The following BRD9 variants were observed in gnomAD, a reference collection of about 807,000 sequenced individuals.
BRD9 encodes the protein bromodomain-containing protein 9.
BRD9 carries 47 observed loss-of-function variants against 68.7 expected under a neutral mutation model. The ratio of observed to expected loss-of-function variants is 0.68; its 90% CI spans 0.54 to 0.87. BRD9 has a LOEUF of 0.87. Among genes scored for constraint, BRD9 ranks in the 40% least tolerant of loss-of-function variants. BRD9 has a pLI of 0.00. For synonymous variants in BRD9, 313 were observed against 293.9 expected, an observed-to-expected ratio of 1.06 and a Z score of -0.67; for missense variants, 670 against 748.4, an observed-to-expected ratio of 0.90 and a Z score of 1.22.
intron 11 of BRD9, 44 bp from the exon 12 acceptor site, chr5:876,256 C>T (rs765869851): frequency 1.2e-5 from 18 of 1,504,540 alleles, no homozygotes; most frequent in South Asian, 5.7e-5. Flanking sequence ...GAGCCCTTGT[C>T]GCCTGGCCCT....
chr5:878,732 G>C (rs1413630066), intron 10 of BRD9: 1 of 542,958 alleles, frequency 1.8e-6, no homozygotes, highest in Non-Finnish European at 3.3e-6. Context: ...TCTCTGCAAA[G>C]GGGTGAGCTC....
intron 14 of BRD9, chr5:869,091 A>G (rs1749769923): frequency 3.4e-6 from 1 of 297,916 alleles, no homozygotes; most frequent in Admixed American, 5.1e-5. Flanking sequence ...TGAATTTCCT[A>G]GAGTGACTCA....
At chr5:881,303 C>T in intron 8 of BRD9, 121 bp from the exon 9 acceptor site, 1 of 902,516 alleles carries the variant, frequency 1.1e-6, no homozygotes, top group Non-Finnish European at 1.7e-6. Context: ...GAACAAACGC[C>T]AGAGGGCCCC....
intron 11 of BRD9, among the ~76,000 whole-genome samples, chr5:876,985 T>C (rs1465290231): frequency 6.6e-6 from 1 of 152,240 alleles, no homozygotes; most frequent in East Asian, 1.9e-4. Flanking sequence ...TGGGACCACG[T>C]AGCCTCATGC....
intron 14 of BRD9, chr5:866,312 A>G (rs1384277631): frequency 2.0e-5 from 3 of 152,328 alleles, no homozygotes; most frequent in African/African-American, 7.2e-5. Context: ...TCCACCTGGT[A>G]TCCAGTAAAT....
intron 14 of BRD9, among the ~76,000 whole-genome samples, chr5:866,705 TGA>T (rs749722531): frequency 1.3e-4 from 20 of 152,176 alleles, no homozygotes; most frequent in Non-Finnish European, 2.1e-4. Context: ...ACTTTGAACT[TGA>T]GAGAGATGAT....
intron 14 of BRD9, chr5:865,827 T>G: frequency 2.1e-6 from 1 of 478,706 alleles, no homozygotes; most frequent in Non-Finnish European, 3.7e-6. Flanking sequence ...AGACAAGACC[T>G]AGCACCGCAC....
At chr5:881,370 C>T (rs1255499356) in intron 8 of BRD9, 188 bp from the exon 9 acceptor site, 1 of 616,722 alleles carries the variant, frequency 1.6e-6, no homozygotes, top group South Asian at 1.9e-5. Flanking sequence ...CGCACAGGTG[C>T]CAAGGAGAAC....
chr5:890,479 G>T (rs1753197967), intron 3 of BRD9, among the ~76,000 whole-genome samples: 1 of 152,172 alleles, frequency 6.6e-6, no homozygotes, highest in South Asian at 2.1e-4. Context: ...TTGTGCACAG[G>T]AAGGCTGGGG....
chr5:889,302 A>G (rs1346335760), intron 4 of BRD9, 137 bp from the exon 5 acceptor site: 1 of 1,012,758 alleles, frequency 9.9e-7, no homozygotes, highest in Non-Finnish European at 1.4e-6. Context: ...CTTTTAATTT[A>G]TTGTGATAGG....
In BRD9 at chr5:886,574, T is replaced by C. The variant is rs140538761; in HGVS notation, c.833+18A>G. The C allele has an allele frequency of 2.0e-4, 328 of 1,605,410 alleles. No homozygotes were observed. The East Asian group carries it at 7.2e-3, about 35-fold the overall frequency. ...TGCTCAACTCCAAAAGCAAATGTGG[T>C]TTCCACAGAACCTTTACCTGATAAC... On this transcript the variant is annotated intron_variant, in intron 7 of 15. Coordinates refer to ENST00000467963, the MANE Select transcript of BRD9 (RefSeq NM_023924.5).
intron 11 of BRD9, among the ~76,000 whole-genome samples, chr5:877,995 A>G (rs1476615086): frequency 6.6e-6 from 1 of 152,192 alleles, no homozygotes; most frequent in East Asian, 1.9e-4. Context: ...CCACACCTTC[A>G]TGGCAAATGC....
At position 871,535 on chromosome 5, in the gene BRD9, A is replaced by C; in HGVS notation, c.1413T>G (p.Asp471Glu). The change falls in exon 13 of 16, where the codon GAT (aspartate) becomes GAG (glutamate). Residue 471 changes from aspartate (D) to glutamate (E), a missense_variant. This residue lies in a region of BRD9 where 280 missense variants were observed against 281.5 expected (regional missense o/e 0.99). Coordinates refer to ENST00000467963, the MANE Select transcript of BRD9 (RefSeq NM_023924.5). ...QRRNVPMKPP[D>E]EAKVGDTLGD... is the part of the protein sequence containing the mutation. ...ATGTTCAAAAACTTACCTTGGCTTC[A>C]TCTGGAGGCTTCATGGGAACATTTC... 6.2e-7 allele frequency: 1 copy of C among 1,614,200 alleles called. No homozygotes were observed. The highest frequency in any genetic ancestry group is 1.1e-5 in the South Asian group (1 of 91,088).
chr5:886,894 G>A, intron 6 of BRD9, 187 bp from the exon 7 acceptor site: 1 of 1,041,908 alleles, frequency 9.6e-7, no homozygotes, highest in Non-Finnish European at 1.3e-6. Flanking sequence ...CCACGGCGGA[G>A]CAGCGGGAGG....
At chr5:880,562 G>A (rs1228947999) in intron 9 of BRD9, among the ~76,000 whole-genome samples, 3 of 152,080 alleles carry the variant, frequency 2.0e-5, no homozygotes, top group East Asian at 1.9e-4. Flanking sequence ...CGTTCCTCAC[G>A]CGAGCCCGCG....
chr5:892,020 T>G (rs1753500744), intron 1 of BRD9, 166 bp from the exon 2 acceptor site: 1 of 1,144,630 alleles, frequency 8.7e-7, no homozygotes, highest in Non-Finnish European at 1.2e-6. Context: ...GGCATGTCAC[T>G]GCCTCCTTGT....
intron 12 of BRD9, among the ~76,000 whole-genome samples, chr5:875,803 T>C (rs1029148273): frequency 1.3e-5 from 2 of 152,222 alleles, no homozygotes; most frequent in African/African-American, 4.8e-5. Context: ...TCACTGTCAG[T>C]AAATCTGAAC....
chr5:881,050 G>A (rs561380859), intron 9 of BRD9, 57 bp downstream of exon 9: 34 of 1,541,186 alleles, frequency 2.2e-5, no homozygotes, highest in Middle Eastern at 1.7e-4. Context: ...GAATATCAAC[G>A]GAGGCCCAAA....
Position 889,646 on chromosome 5 carries a change from G to C in BRD9, c.402C>G (p.Ala134=). Reference sequence around the variant, plus strand: ...GCTGAATAGGTGTGCTCTCATTTTCGGCTGACAATTTAAGGAAAAAAAAAT... The same window carrying C: ...GCTGAATAGGTGTGCTCTCATTTTCCGCTGACAATTTAAGGAAAAAAAAAT... The part of the protein sequence containing the change: ...RPVRACRTQP[A]ENESTPIQQL... Residue 134 remains alanine, a splice_region_variant and synonymous_variant, in exon 4 of 16, where the codon GCC becomes GCG. Coordinates refer to ENST00000467963, the MANE Select transcript of BRD9 (RefSeq NM_023924.5). 12 of 1,612,806 alleles carry C rather than the reference G, an allele frequency of 7.4e-6. No individual in the cohort carries two copies. Among genetic ancestry groups the C allele is most frequent in the Non-Finnish European group, 1.0e-5 (12 of 1,179,370 alleles).
Sources: gnomAD v4.1 joint callset for allele counts (sites outside exome capture counted in the v4.1 genomes callset) on GRCh38, gnomAD v4.1.1 for gene constraint, gnomAD v4.1.1 regional missense constraint, MANE v1.5 for transcripts, NCBI Gene and HGNC (gene_info 2026-07-23, HGNC 2026-07-21) for gene names.